KLHL1: variants seen among roughly 807,000 people sequenced by gnomAD.
KLHL1 encodes kelch-like protein 1.
KLHL1 carries 47 observed loss-of-function variants against 77.7 expected under a neutral mutation model. The ratio of observed to expected loss-of-function variants is 0.60; its 90% confidence interval spans 0.48 to 0.77. KLHL1 has a LOEUF of 0.77. KLHL1 is among the 30% of genes least tolerant of loss of function. The pLI, the probability that KLHL1 is intolerant of heterozygous loss-of-function variation, is 0.00. For missense variants in KLHL1, 925 were observed against 910.8 expected, an observed-to-expected ratio of 1.02 and a Z score of -0.20; for synonymous variants, 360 against 325.2, an observed-to-expected ratio of 1.11 and a Z score of -1.15.
intron 6 of KLHL1, among the ~76,000 whole-genome samples, chr13:69,828,077 G>A (rs1214573418): frequency 6.7e-6 from 1 of 150,294 alleles, no homozygotes; most frequent in Admixed American, 6.6e-5. Flanking sequence ...AACAGCATGA[G>A]GAGACTCACA....
At chr13:69,735,607 A>G (rs1873733220) in intron 8 of KLHL1, among the ~76,000 whole-genome samples, 1 of 150,362 alleles carries the variant, frequency 6.7e-6, no homozygotes, top group Admixed American at 6.6e-5. Flanking sequence ...ATATAAATAA[A>G]CATGAATAAC....
chr13:69,711,697 C>T (rs1424308), intron 9 of KLHL1, among the ~76,000 whole-genome samples: 149,955 of 152,196 alleles, frequency 0.99, 73,900 homozygotes, highest in East Asian at 1. Context: ...TGTTTTTGTA[C>T]GTATGCATTT....
chr13:69,725,555 T>A (rs1371960438), intron 8 of KLHL1, among the ~76,000 whole-genome samples: 4 of 152,168 alleles, frequency 2.6e-5, no homozygotes, highest in African/African-American at 9.7e-5. Context: ...TATATTGTCA[T>A]ATAAAAAGGA....
intron 1 of KLHL1, among the ~76,000 whole-genome samples, chr13:70,046,643 A>G (rs1331041610): frequency 6.6e-6 from 1 of 152,078 alleles, no homozygotes; most frequent in African/African-American, 2.4e-5. Flanking sequence ...GTGCACCACC[A>G]TACCTGGCTA....
Position 69,852,321 on chromosome 13 carries a change from C to T in KLHL1, c.1228-13159G>A, listed in dbSNP as rs189262698. Among the ~76,000 whole-genome samples, 29 of 152,010 alleles carry T rather than the reference C, an allele frequency of 1.9e-4. No homozygotes were observed. In the East Asian group the frequency reaches 5.4e-3, roughly 29 times the overall value. On this transcript the variant is annotated intron_variant, in intron 5 of 10. Coordinates refer to ENST00000377844, the MANE Select transcript of KLHL1 (RefSeq NM_020866.3). The stretch of plus-strand genomic sequence containing the variant: ...GTTGAGAATTCTTCCCTTACTTCTC[C>T]CACATTTTATTTCAGAAATGTTAAC...
chr13:69,881,802 A>C (rs1197449436), intron 5 of KLHL1, among the ~76,000 whole-genome samples: 1 of 152,166 alleles, frequency 6.6e-6, no homozygotes, highest in Non-Finnish European at 1.5e-5. Context: ...ACTCTCTACT[A>C]TTCAGGTATG....
chr13:69,707,778 G>T lies in KLHL1; in HGVS notation c.2034C>A (p.Asp678Glu). The T allele has an allele frequency of 6.2e-7, 1 of 1,612,348 alleles. No homozygotes were observed. Among genetic ancestry groups the T allele is most frequent in the Non-Finnish European group, 8.5e-7 (1 of 1,178,940 alleles). The change falls in exon 10 of 11, where the codon GAC becomes GAA. Residue 678 changes from aspartate to glutamate, a missense_variant. Physicochemically the swap from Asp to Glu is conservative, Grantham distance 45. Transcript: ENST00000377844. ...TCAAAGGAGCCACCATGGTCCAAGT[G>T]TCTGTTTTGGGATCATATCTAAAAT... The part of the protein sequence containing the change: ...DYVERYDPKT[D>E]TWTMVAPLSM...
intron 3 of KLHL1, among the ~76,000 whole-genome samples, chr13:69,952,676 T>C (rs1217081048): frequency 1.3e-5 from 2 of 151,398 alleles, no homozygotes; most frequent in Non-Finnish European, 3.0e-5. Flanking sequence ...AACATGTGTT[T>C]TCCTGGTTGG....
chr13:70,051,858 T>C (rs1269789038), intron 1 of KLHL1, among the ~76,000 whole-genome samples: 1 of 152,036 alleles, frequency 6.6e-6, no homozygotes, highest in Non-Finnish European at 1.5e-5. Flanking sequence ...ATATCTACAT[T>C]TGTTTTGTTG....
At chr13:70,041,809 C>T (rs1886385362) in intron 1 of KLHL1, among the ~76,000 whole-genome samples, 2 of 152,140 alleles carry the variant, frequency 1.3e-5, no homozygotes, top group Admixed American at 1.3e-4. Flanking sequence ...GGCCAGGGAC[C>T]TTGTTATTGC....
At chr13:69,999,088 C>T (rs992405887) in intron 1 of KLHL1, among the ~76,000 whole-genome samples, 13 of 151,982 alleles carry the variant, frequency 8.6e-5, no homozygotes, top group African/African-American at 2.9e-4. Context: ...AATCTAATAA[C>T]AGGATATATT....
At chr13:70,007,582 T>C (rs975940037) in intron 1 of KLHL1, among the ~76,000 whole-genome samples, 1 of 151,276 alleles carries the variant, frequency 6.6e-6, no homozygotes, top group Admixed American at 6.6e-5. Flanking sequence ...GCTATACTTT[T>C]AAATAATTTA....
At chr13:70,041,051 ATAT>A (rs1886367238) in intron 1 of KLHL1, among the ~76,000 whole-genome samples, 1 of 152,072 alleles carries the variant, frequency 6.6e-6, no homozygotes, top group Non-Finnish European at 1.5e-5. Flanking sequence ...TTTACTTTAG[ATAT>A]TATATTTTTA....
chr13:69,946,284 C>T (rs1454881877), intron 3 of KLHL1, among the ~76,000 whole-genome samples: 3 of 151,854 alleles, frequency 2.0e-5, no homozygotes, highest in Non-Finnish European at 2.9e-5. Flanking sequence ...ATAAGCCAAA[C>T]TTATCAAATT....
intron 1 of KLHL1, among the ~76,000 whole-genome samples, chr13:70,100,888 A>T (rs1192323817): frequency 6.6e-6 from 1 of 152,206 alleles, no homozygotes; most frequent in Non-Finnish European, 1.5e-5. Flanking sequence ...ATTGGTCATG[A>T]CATTGAGACT....
chr13:69,788,609 T>C (rs1046166588), intron 7 of KLHL1, among the ~76,000 whole-genome samples: 2 of 152,156 alleles, frequency 1.3e-5, no homozygotes, highest in Non-Finnish European at 2.9e-5. Context: ...CATGTATGCA[T>C]ATGTAACAAA....
chr13:69,701,858 A>C, intron 10 of KLHL1, 97 bp from the exon 11 acceptor site: 1 of 889,114 alleles, frequency 1.1e-6, no homozygotes. Flanking sequence ...TCATAAATAA[A>C]TGTGCTTGTT....
rs369397664 is a variant in KLHL1 at position 69,796,712 on chromosome 13, G to C, written c.1639+26C>G. On this transcript the variant is annotated intron_variant, in intron 7 of 10. Transcript: ENST00000377844. The stretch of plus-strand genomic sequence containing the variant: ...CATTATCAATAACATGTTTCTAAAA[G>C]TAATATCAATAAAGTAAGATCTTAC... The C allele has an allele frequency of 4.8e-6, 7 of 1,454,984 alleles. No homozygotes were observed. In the African/African-American group the frequency reaches 9.8e-5, roughly 20 times the overall value. 90.1% of individuals were successfully genotyped at this position (1,454,984 alleles called of 1,614,324 possible).
At chr13:70,073,302 G>A (rs1433394157) in intron 1 of KLHL1, among the ~76,000 whole-genome samples, 4 of 151,950 alleles carry the variant, frequency 2.6e-5, no homozygotes, top group Non-Finnish European at 5.9e-5. Context: ...GCAAACTATT[G>A]CAAGGACAAA....
Sources: allele counts gnomAD v4.1 joint callset (sites outside exome capture counted in the v4.1 genomes callset), GRCh38; gene constraint gnomAD v4.1.1; transcripts MANE v1.5; gene names NCBI Gene and HGNC (gene_info 2026-07-23, HGNC 2026-07-21).